The following LRRC36 variants were observed in gnomAD, a reference collection of about 807,000 sequenced individuals.
The protein encoded by LRRC36 is leucine rich repeat containing 36.
A neutral mutation model predicts 81.1 loss-of-function variants in LRRC36; 62 were observed. That is an observed-to-expected ratio of 0.76 (90% CI 0.62 to 0.94). The LOEUF is 0.94. Ranked by LOEUF, LRRC36 falls within the 40% of genes least tolerant of loss-of-function variation. The pLI, the probability that LRRC36 is intolerant of heterozygous loss-of-function variation, is 0.00. For synonymous variants in LRRC36, 334 were observed against 348.6 expected, an observed-to-expected ratio of 0.96 and a Z score of 0.47; for missense variants, 761 against 881.7, an observed-to-expected ratio of 0.86 and a Z score of 1.73.
intron 9 of LRRC36, 56 bp downstream of exon 9, chr16:67,371,298 A>C: frequency 6.3e-7 from 1 of 1,598,170 alleles, no homozygotes; most frequent in Non-Finnish European, 8.6e-7. Flanking sequence ...CGAGACCAGA[A>C]TGAGGGTTCT....
intron 12 of LRRC36, 74 bp from the exon 13 acceptor site, chr16:67,382,059 C>G: frequency 3.0e-6 from 3 of 1,004,960 alleles, no homozygotes; most frequent in Non-Finnish European, 4.6e-6. Flanking sequence ...AGATGTCCAT[C>G]TGAATACTTA....
At chr16:67,350,123 T>C in intron 4 of LRRC36, 79 bp from the exon 5 acceptor site, 1 of 970,418 alleles carries the variant, frequency 1.0e-6, no homozygotes, top group Non-Finnish European at 1.6e-6. Context: ...CATAGACTGC[T>C]TTCTAAATAG....
intron 8 of LRRC36, among the ~76,000 whole-genome samples, chr16:67,369,911 A>C (rs1244909753): frequency 6.6e-6 from 1 of 152,234 alleles, no homozygotes; most frequent in Non-Finnish European, 1.5e-5. Flanking sequence ...GTGGGGACAC[A>C]GCCAACCCAT....
At chr16:67,376,673 G>T in intron 10 of LRRC36, 54 bp from the exon 11 acceptor site, 1 of 1,568,444 alleles carries the variant, frequency 6.4e-7, no homozygotes, top group African/African-American at 1.3e-5. Context: ...GACTAGGAAT[G>T]CTGTGCCTTA....
intron 6 of LRRC36, 96 bp downstream of exon 6, chr16:67,363,810 C>T (rs1487082037): frequency 2.1e-6 from 3 of 1,399,104 alleles, no homozygotes; most frequent in Non-Finnish European, 3.0e-6. Context: ...TCTCAGAGGA[C>T]TTGTTTGATG....
intron 1 of LRRC36, among the ~76,000 whole-genome samples, chr16:67,341,324 A>G (rs1280241889): frequency 2.7e-5 from 4 of 147,114 alleles, no homozygotes; most frequent in Admixed American, 6.9e-5. Flanking sequence ...TAGACTATAT[A>G]TAGTCTATAT....
At chr16:67,368,461 G>A (rs183702923) in intron 8 of LRRC36, among the ~76,000 whole-genome samples, 2 of 152,204 alleles carry the variant, frequency 1.3e-5, no homozygotes, top group Non-Finnish European at 1.5e-5. Context: ...ATGTGGGTCT[G>A]GGAGGAGAAC....
At chr16:67,332,562 AT>A (rs1345468954) in intron 1 of LRRC36, among the ~76,000 whole-genome samples, 32 of 152,330 alleles carry the variant, frequency 2.1e-4, no homozygotes, top group Middle Eastern at 3.4e-3. Context: ...TCAAAAAAAA[AT>A]AATAAATAAA....
chr16:67,354,949 A>G (rs1254219229), intron 5 of LRRC36, among the ~76,000 whole-genome samples: 2 of 152,162 alleles, frequency 1.3e-5, no homozygotes, highest in South Asian at 2.1e-4. Flanking sequence ...GCAACCACTG[A>G]TCTTTATACT....
At chr16:67,366,980 T>C in intron 7 of LRRC36, 37 bp from the exon 8 acceptor site, 1 of 1,524,288 alleles carries the variant, frequency 6.6e-7, no homozygotes, top group Non-Finnish European at 8.9e-7. Flanking sequence ...CAAAGAATTC[T>C]TATCATGTTT....
At chr16:67,383,452 G>C (rs2040187705) in intron 13 of LRRC36, among the ~76,000 whole-genome samples, 1 of 152,206 alleles carries the variant, frequency 6.6e-6, no homozygotes, top group South Asian at 2.1e-4. Flanking sequence ...TTGAAATGCA[G>C]ATTGCTGGGC....
chr16:67,360,670 G>A (rs1332478789), intron 5 of LRRC36, among the ~76,000 whole-genome samples: 1 of 152,270 alleles, frequency 6.6e-6, no homozygotes, highest in African/African-American at 2.4e-5. Context: ...GTTTAAGTAG[G>A]ACGTTTCAGT....
rs2039440889 is a variant in LRRC36, at chr16:67,367,279, AACTCTATCCCTGCATGGAAGT to A, written c.1018_1038del (p.Thr340_Ser346del). 2 of 1,614,080 alleles carry A rather than the reference AACTCTATCCCTGCATGGAAGT, an allele frequency of 1.2e-6. No homozygotes were observed. Among genetic ancestry groups the A allele is most frequent in the African/African-American group, 2.7e-5 (2 of 74,938 alleles). On this transcript the variant is annotated inframe_deletion, in exon 8 of 14. Coordinates refer to ENST00000329956, the MANE Select transcript of LRRC36 (RefSeq NM_018296.6). ...AAAATTATGACAGTTGTTATTCTCA[AACTCTATCCCTGCATGGAAGT>A]CTTGGTAAAAGGCCTCAGAGAAGCA...
At chr16:67,346,147 C>A (rs2038336272) in intron 2 of LRRC36, 109 bp from the exon 3 acceptor site, 3 of 718,752 alleles carry the variant, frequency 4.2e-6, no homozygotes, top group South Asian at 5.3e-5. Flanking sequence ...CTCACGGGGA[C>A]TTGGATAACA....
Position 67,385,109 on chromosome 16 carries a change from C to T in LRRC36, c.*20C>T, listed in dbSNP as rs1240876277. On this transcript the variant is annotated 3_prime_UTR_variant, in exon 14 of 14. Transcript: ENST00000329956. ...TTATAGAGCTAGCATGGAACTCACA[C>T]CACAGCTTCCCTGGTCCACAGAGGC... 6.3e-7 allele frequency: 1 copy of T among 1,584,118 alleles called. No homozygotes were observed. The highest frequency in any genetic ancestry group is 8.7e-7 in the Non-Finnish European group (1 of 1,154,284).
chr16:67,374,402 A>G (rs750453874), intron 9 of LRRC36, among the ~76,000 whole-genome samples: 9 of 151,970 alleles, frequency 5.9e-5, no homozygotes, highest in Admixed American at 3.9e-4. Flanking sequence ...GAAAATTTCT[A>G]TTATTATTTT....
chr16:67,374,252 TTAGAG>T (rs777857933), intron 9 of LRRC36, among the ~76,000 whole-genome samples: 1 of 151,186 alleles, frequency 6.6e-6, no homozygotes, highest in Non-Finnish European at 1.5e-5. Flanking sequence ...AAATATAACC[TTAGAG>T]TAATTTTTTA....
intron 5 of LRRC36, chr16:67,362,319 C>T (rs968647557): frequency 3.0e-5 from 10 of 330,418 alleles, no homozygotes; most frequent in African/African-American, 9.1e-5. Flanking sequence ...TGCACCATAA[C>T]GCCCAGCTAA....
At chr16:67,365,635 A>C (rs988534579) in intron 7 of LRRC36, among the ~76,000 whole-genome samples, 1 of 151,838 alleles carries the variant, frequency 6.6e-6, no homozygotes, top group Non-Finnish European at 1.5e-5. Flanking sequence ...TTTTTTATTC[A>C]TCCATTTGTT....
Sources: allele counts gnomAD v4.1 joint callset (sites outside exome capture counted in the v4.1 genomes callset), GRCh38; gene constraint gnomAD v4.1.1; transcripts MANE v1.5; gene names NCBI Gene and HGNC (gene_info 2026-07-23, HGNC 2026-07-21).